Variants in EDEM3 observed in about 807,000 individuals in gnomAD.
EDEM3 encodes ER degradation-enhancing alpha-mannosidase-like protein 3.
A neutral mutation model predicts 110.2 loss-of-function variants in EDEM3; 60 were observed. The ratio of observed to expected loss-of-function variants is 0.54; its 90% CI spans 0.44 to 0.67. EDEM3 has a LOEUF of 0.67. Among genes scored for constraint, EDEM3 ranks in the 30% least tolerant of loss-of-function variants. The probability of loss-of-function intolerance (pLI) is 0.00; values close to 1 mark genes in which losing one functional copy is unlikely to be tolerated. For missense variants in EDEM3, 996 were observed against 1,121.0 expected, an observed-to-expected ratio of 0.89 and a Z score of 1.59; for synonymous variants, 352 against 382.9, an observed-to-expected ratio of 0.92 and a Z score of 0.94.
chr1:184,713,986 A>G (rs1366523804), intron 13 of EDEM3, among the ~76,000 whole-genome samples: 1 of 152,262 alleles, frequency 6.6e-6, no homozygotes, highest in African/African-American at 2.4e-5. Context: ...ATGTTTCAAA[A>G]CATGTTTAGC....
chr1:184,729,823 T>C (rs1444067925), intron 6 of EDEM3, among the ~76,000 whole-genome samples: 1 of 144,756 alleles, frequency 6.9e-6, no homozygotes, highest in Non-Finnish European at 1.5e-5. Context: ...GTATCTTCTG[T>C]TTTAATTCCT....
At chr1:184,725,228 G>A (rs1264804391) in intron 7 of EDEM3, among the ~76,000 whole-genome samples, 1 of 151,800 alleles carries the variant, frequency 6.6e-6, no homozygotes, top group Non-Finnish European at 1.5e-5. Context: ...ACACAAAATA[G>A]CCCACTGGAA....
intron 2 of EDEM3, among the ~76,000 whole-genome samples, chr1:184,747,367 G>A (rs994136415): frequency 1.3e-5 from 2 of 152,032 alleles, no homozygotes; most frequent in African/African-American, 4.8e-5. Flanking sequence ...CTGAGTGTAG[G>A]GACCGGAAAA....
intron 10 of EDEM3, 82 bp from the exon 11 acceptor site, chr1:184,719,327 T>A: frequency 6.6e-7 from 1 of 1,517,222 alleles, no homozygotes. Context: ...GAAAAATGTA[T>A]ACAAATACAA....
intron 19 of EDEM3, among the ~76,000 whole-genome samples, chr1:184,699,886 T>G (rs909203539): frequency 6.6e-6 from 1 of 151,892 alleles, no homozygotes; most frequent in Non-Finnish European, 1.5e-5. Flanking sequence ...CAAATACTAT[T>G]GAAAAAAGGA....
chr1:184,691,622 A>G lies in EDEM3; in HGVS notation c.*2441T>C, dbSNP rs921038182. ...AAAGTTAACTAAAAAACAAAACACTAAAAAAAAAAAAAACAACTAATGCCT... is the reference window on the plus strand; with the variant it reads ...AAAGTTAACTAAAAAACAAAACACTGAAAAAAAAAAAAACAACTAATGCCT... On this transcript the variant is annotated 3_prime_UTR_variant, in exon 20 of 20. Transcript: ENST00000318130. The G allele has an allele frequency of 3.8e-5, 5 of 130,796 alleles. No individual in the cohort carries two copies. The highest frequency in any genetic ancestry group is 4.9e-5 in the Non-Finnish European group (3 of 61,688). The allele number at this position is 130,796 out of a possible 1,614,324, so 8.1% of individuals were successfully genotyped here.
chr1:184,734,682 C>G, intron 4 of EDEM3, 39 bp from the exon 5 acceptor site: 1 of 796,198 alleles, frequency 1.3e-6, no homozygotes, highest in South Asian at 2.4e-5. Flanking sequence ...TCTTTTCTAC[C>G]AAGACAAGGA....
At chr1:184,728,835 C>G (rs1571394476) in intron 6 of EDEM3, among the ~76,000 whole-genome samples, 1 of 152,178 alleles carries the variant, frequency 6.6e-6, no homozygotes, top group Admixed American at 6.5e-5. Flanking sequence ...GTCTCGATCT[C>G]TTGACCTCGT....
chr1:184,716,068 C>T (rs1355375621), intron 13 of EDEM3, among the ~76,000 whole-genome samples: 3 of 152,176 alleles, frequency 2.0e-5, no homozygotes, highest in Admixed American at 6.6e-5. Flanking sequence ...CCTTCGCTGA[C>T]TATCACATCC....
Position 184,728,592 on chromosome 1 carries a change from G to A in EDEM3, c.613-2203C>T, listed in dbSNP as rs540207312. Among the ~76,000 whole-genome samples the A allele has an allele frequency of 1.5e-3, 222 of 151,704 alleles. 2 individuals carry two copies. Among genetic ancestry groups the A allele is most frequent in the Middle Eastern group, 6.8e-3 (2 of 294 alleles). On this transcript the variant is annotated intron_variant, in intron 6 of 19. Coordinates refer to ENST00000318130, the MANE Select transcript of EDEM3 (RefSeq NM_025191.4). The stretch of plus-strand genomic sequence containing the variant: ...CTTGTATCCTTCCTGAAGATAAGTG[G>A]TATTAAACAACTTTTTTTTTTTTTT...
In EDEM3 at chr1:184,711,773, C is replaced by T. The variant is rs370653661; in HGVS notation, c.1641G>A (p.Glu547=). 338 of 1,613,246 alleles carry T rather than the reference C, an allele frequency of 2.1e-4. No homozygotes were observed. Among genetic ancestry groups the T allele is most frequent in the Non-Finnish European group, 2.7e-4 (320 of 1,179,588 alleles). The change falls in exon 15 of 20, where the codon GAG becomes GAA. Residue 547 remains glutamate, a synonymous_variant. Transcript: ENST00000318130. The part of the protein sequence containing the change: ...NDPLYAQSIR[E]PLKNVVDKSC... ...TCTTATCCACCACATTTTTCAAGGG[C>T]TCACGAATACTTTGAGCATACAATG...
chr1:184,744,157 G>A (rs1652288740), intron 2 of EDEM3, among the ~76,000 whole-genome samples: 1 of 147,890 alleles, frequency 6.8e-6, no homozygotes, highest in African/African-American at 2.5e-5. Flanking sequence ...GCACAGACTG[G>A]GAGAAAATAT....
intron 14 of EDEM3, 75 bp downstream of exon 14, chr1:184,712,358 G>A: frequency 1.5e-6 from 2 of 1,315,986 alleles, no homozygotes; most frequent in Non-Finnish European, 1.0e-6. Flanking sequence ...TTCTACTCAT[G>A]GATTACTTTT....
At chr1:184,703,049 T>C in intron 18 of EDEM3, 53 bp from the exon 19 acceptor site, 7 of 1,386,754 alleles carry the variant, frequency 5.0e-6, no homozygotes, top group Non-Finnish European at 6.8e-6. Flanking sequence ...ATTAAAAAGA[T>C]CTATCTACTA....
chr1:184,722,500 C>G (rs980618788), intron 8 of EDEM3, among the ~76,000 whole-genome samples: 1 of 151,916 alleles, frequency 6.6e-6, no homozygotes, highest in Non-Finnish European at 1.5e-5. Flanking sequence ...AGTGGCCATT[C>G]AATATTTTGC....
intron 11 of EDEM3, among the ~76,000 whole-genome samples, 197 bp downstream of exon 11, chr1:184,718,965 C>A (rs1650714560): frequency 6.6e-6 from 1 of 151,652 alleles, no homozygotes; most frequent in African/African-American, 2.4e-5. Flanking sequence ...TCTTAACACA[C>A]AAAGAAAAGC....
Position 184,754,648 on chromosome 1 carries a change from G to A in EDEM3, c.-2C>T. The A allele has an allele frequency of 6.4e-7, 1 of 1,561,260 alleles. No individual in the cohort carries two copies. Among genetic ancestry groups the A allele is most frequent in the Non-Finnish European group, 8.7e-7 (1 of 1,154,474 alleles). ...GCCCCGGCCGCCGGCTTCGCTCATGGCCCCGCGGTTCCGCGCACGCGCAGC... is the reference window on the plus strand; with the variant it reads ...GCCCCGGCCGCCGGCTTCGCTCATGACCCCGCGGTTCCGCGCACGCGCAGC... On this transcript the variant is annotated 5_prime_UTR_variant, in exon 1 of 20. Transcript: ENST00000318130.
intron 2 of EDEM3, among the ~76,000 whole-genome samples, chr1:184,749,170 A>G: frequency 6.6e-6 from 1 of 152,186 alleles, no homozygotes; most frequent in South Asian, 2.1e-4. Flanking sequence ...CTTTTAAGCA[A>G]TGGTTTTCTT....
At chr1:184,753,013 C>A (rs1219757554) in intron 1 of EDEM3, among the ~76,000 whole-genome samples, 1 of 152,052 alleles carries the variant, frequency 6.6e-6, no homozygotes, top group East Asian at 1.9e-4. Context: ...TTAGAGTTTA[C>A]CGGTAATTTT....
Sources: allele counts gnomAD v4.1 joint callset (sites outside exome capture counted in the v4.1 genomes callset), GRCh38; gene constraint gnomAD v4.1.1; transcripts MANE v1.5; gene names NCBI Gene and HGNC (gene_info 2026-07-23, HGNC 2026-07-21).